IQGAP2: variants seen among roughly 807,000 people sequenced by gnomAD.
The protein encoded by IQGAP2 is ras GTPase-activating-like protein IQGAP2.
Under a neutral mutation model 201.3 loss-of-function variants are expected in IQGAP2, and 173 were observed. The ratio of observed to expected loss-of-function variants is 0.86; its 90% CI spans 0.76 to 0.98. IQGAP2 has a LOEUF of 0.98. Among genes scored for constraint, IQGAP2 ranks in the 50% least tolerant of loss-of-function variants. IQGAP2 has a pLI of 0.00. For synonymous variants in IQGAP2, 675 were observed against 673.9 expected (o/e 1.00, Z -0.03); for missense variants, 1,687 against 1,864.8 (o/e 0.90, Z 1.76).
At chr5:76,681,533 A>T (rs1195987866) in intron 28 of IQGAP2, among the ~76,000 whole-genome samples, 15 of 94,932 alleles carry the variant, frequency 1.6e-4, no homozygotes, top group African/African-American at 2.0e-4. Flanking sequence ...ATCAAAATTT[A>T]AAAAAAAAAA....
intron 6 of IQGAP2, among the ~76,000 whole-genome samples, chr5:76,589,386 A>G (rs191434784): frequency 2.0e-5 from 3 of 150,790 alleles, no homozygotes; most frequent in East Asian, 3.9e-4. Flanking sequence ...TTATTCCTGT[A>G]TATTGATGAG....
At chr5:76,500,531 C>T (rs937323861) in intron 2 of IQGAP2, among the ~76,000 whole-genome samples, 1 of 152,200 alleles carries the variant, frequency 6.6e-6, no homozygotes, top group East Asian at 1.9e-4. Flanking sequence ...ATCATGTCTA[C>T]GAAAGTGCAT....
rs181646746 is a variant in IQGAP2 at position 76,519,251 on chromosome 5, G to A, written c.147-43145G>A. The stretch of plus-strand genomic sequence containing the variant: ...AACCTTCCTCTACTCCAAACCCTTG[G>A]CAACTACTGATCTATGGTTTTACTT... On this transcript the variant is annotated intron_variant, in intron 2 of 35. Transcript: ENST00000274364. 3.2e-3 allele frequency among the ~76,000 whole-genome samples: 494 copies of A among 152,174 alleles called. 2 individuals are homozygous for A. Among genetic ancestry groups the A allele is most frequent in the African/African-American group, 0.011 (451 of 41,522 alleles).
chr5:76,610,975 TA>T (rs774004587), intron 12 of IQGAP2, 44 bp from the exon 13 acceptor site: 2 of 1,523,352 alleles, frequency 1.3e-6, no homozygotes, highest in Non-Finnish European at 1.8e-6. Flanking sequence ...AAAGAAGTTA[TA>T]ATGTACTGTG....
At position 76,702,508 on chromosome 5, in the gene IQGAP2, T is replaced by C. The variant is rs982619434; in HGVS notation, c.4532T>C (p.Ile1511Thr). 4 of 1,570,038 alleles carry C rather than the reference T, an allele frequency of 2.5e-6. No individual in the cohort carries two copies. The highest frequency in any genetic ancestry group is 3.5e-6 in the Non-Finnish European group (4 of 1,139,932). Residue 1511 changes from isoleucine to threonine, a missense_variant, in exon 35 of 36, where the codon ATA (isoleucine) becomes ACA (threonine). Physicochemically the swap from Ile to Thr is moderately conservative, Grantham distance 89. Coordinates refer to ENST00000274364, the MANE Select transcript of IQGAP2 (RefSeq NM_006633.5). Reference protein sequence around the residue: ...NQFKNVTFDIIATEDVGIFDV... With the variant: ...NQFKNVTFDITATEDVGIFDV... ...TTTAAGAATGTTACATTTGATATCA[T>C]AGCTACTGAAGATGTAGGCATTTTC...
At chr5:76,566,251 A>C (rs1744741778) in intron 3 of IQGAP2, among the ~76,000 whole-genome samples, 1 of 152,110 alleles carries the variant, frequency 6.6e-6, no homozygotes, top group East Asian at 1.9e-4. Flanking sequence ...TAAGTGTCTG[A>C]AGGAAGACAC....
intron 16 of IQGAP2, among the ~76,000 whole-genome samples, chr5:76,639,309 A>G (rs1561538953): frequency 2.0e-5 from 3 of 152,154 alleles, no homozygotes; most frequent in Admixed American, 2.0e-4. Flanking sequence ...CTAGTCTAGT[A>G]TGTTTTCCAC....
chr5:76,644,338 C>T (rs1280413570), intron 17 of IQGAP2, among the ~76,000 whole-genome samples: 6 of 61,124 alleles, frequency 9.8e-5, no homozygotes, highest in Non-Finnish European at 1.8e-4. Context: ...CTTGCTCTGT[C>T]GCCCAGGCTG....
chr5:76,429,854 G>GAC (rs1200863709), intron 1 of IQGAP2, among the ~76,000 whole-genome samples: 1 of 81,576 alleles, frequency 1.2e-5, no homozygotes, highest in African/African-American at 5.1e-5. Context: ...ATGAAAAGGA[G>GAC]ACACAGACAC....
chr5:76,573,317 C>T (rs891519856), intron 4 of IQGAP2, among the ~76,000 whole-genome samples: 1 of 152,140 alleles, frequency 6.6e-6, no homozygotes, highest in African/African-American at 2.4e-5. Flanking sequence ...TATTGCATTG[C>T]AGGGGCAAGA....
At chr5:76,536,576 A>G (rs573589086) in intron 2 of IQGAP2, among the ~76,000 whole-genome samples, 12 of 151,852 alleles carry the variant, frequency 7.9e-5, no homozygotes, top group East Asian at 5.9e-4. Context: ...CCTGACCAAC[A>G]TGGCAAAACC....
chr5:76,578,458 A>G (rs1446197506), intron 5 of IQGAP2, among the ~76,000 whole-genome samples: 1 of 151,980 alleles, frequency 6.6e-6, no homozygotes, highest in Admixed American at 6.6e-5. Context: ...GACTACAGGC[A>G]CGCACTACTA....
chr5:76,512,473 C>G lies in IQGAP2; in HGVS notation c.147-49923C>G, dbSNP rs750755066. Among the ~76,000 whole-genome samples the G allele has an allele frequency of 5.9e-4, 89 of 152,128 alleles. 1 individual carries two copies. Among genetic ancestry groups the G allele is most frequent in the Admixed American group, 2.1e-3 (32 of 15,276 alleles). ...CCATGAAATCAAAACCTTTTAATTG[C>G]TTTCTCTATTGGTGATCTTTAAGAG... is the stretch of plus-strand genomic sequence containing the variant. On this transcript the variant is annotated intron_variant, in intron 2 of 35. Transcript: ENST00000274364.
intron 2 of IQGAP2, among the ~76,000 whole-genome samples, chr5:76,532,193 A>G (rs1222340404): frequency 1.3e-5 from 2 of 152,248 alleles, no homozygotes; most frequent in Non-Finnish European, 2.9e-5. Flanking sequence ...ATAAATGTTC[A>G]TGAAGTATGT....
intron 2 of IQGAP2, among the ~76,000 whole-genome samples, chr5:76,534,485 A>G (rs183424169): frequency 2.0e-5 from 3 of 152,260 alleles, no homozygotes; most frequent in Non-Finnish European, 4.4e-5. Flanking sequence ...TTTCTGAACA[A>G]GAAAAGGTTC....
chr5:76,595,046 G>A (rs568090373), intron 9 of IQGAP2, among the ~76,000 whole-genome samples: 2 of 151,816 alleles, frequency 1.3e-5, no homozygotes, highest in Non-Finnish European at 2.9e-5. Flanking sequence ...ATATTAAAAT[G>A]TTAAGGCATC....
In IQGAP2 at chr5:76,631,870, G is replaced by C; in HGVS notation, c.1624G>C (p.Val542Leu). 6.3e-7 allele frequency: 1 copy of C among 1,588,698 alleles called. No individual in the cohort carries two copies. Among genetic ancestry groups the C allele is most frequent in the Non-Finnish European group, 8.6e-7 (1 of 1,165,572 alleles). The part of the protein sequence containing the change: ...KDRAKQWVTL[V>L]VDVNQCLEGK... ...TTTCAATTACCCAGGGGTTACTCTGGTGGTTGATGTTAATCAGTGTTTGGA... is the reference window on the plus strand; with the variant it reads ...TTTCAATTACCCAGGGGTTACTCTGCTGGTTGATGTTAATCAGTGTTTGGA... Residue 542 changes from valine to leucine, a missense_variant, in exon 15 of 36, where the codon GTG becomes CTG. By Grantham distance (32) the Val-to-Leu change is conservative. Coordinates refer to ENST00000274364, the MANE Select transcript of IQGAP2 (RefSeq NM_006633.5).
intron 2 of IQGAP2, among the ~76,000 whole-genome samples, chr5:76,508,963 A>G (rs1344831957): frequency 6.6e-6 from 1 of 152,000 alleles, no homozygotes; most frequent in Non-Finnish European, 1.5e-5. Context: ...TAGGTGTACC[A>G]TGTACCATGC....
chr5:76,652,666 C>T (rs1752610765), intron 17 of IQGAP2, 84 bp from the exon 18 acceptor site: 4 of 958,928 alleles, frequency 4.2e-6, no homozygotes, highest in Non-Finnish European at 1.7e-6. Context: ...TCCATGCGGC[C>T]TGAGATGTGC....
Sources: gnomAD v4.1 joint callset for allele counts (sites outside exome capture counted in the v4.1 genomes callset) on GRCh38, gnomAD v4.1.1 for gene constraint, MANE v1.5 for transcripts, NCBI Gene and HGNC (gene_info 2026-07-23, HGNC 2026-07-21) for gene names.